Variants in EML5 observed in about 807,000 individuals in gnomAD.
The protein encoded by EML5 is EMAP like 5, also known as echinoderm microtubule-associated protein-like 5.
In EML5, 120 loss-of-function variants were observed where a neutral mutation model predicts 250.0. The ratio of observed to expected loss-of-function variants is 0.48; its 90% CI spans 0.41 to 0.56. The LOEUF (loss-of-function observed/expected upper bound fraction) is 0.56. EML5 is among the 20% of genes least tolerant of loss of function. The probability of loss-of-function intolerance (pLI) is 0.00; values close to 1 mark genes in which losing one functional copy is unlikely to be tolerated. For missense variants in EML5, 2,006 were observed against 2,437.6 expected, an observed-to-expected ratio of 0.82 and a Z score of 3.73; for synonymous variants, 771 against 806.5, an observed-to-expected ratio of 0.96 and a Z score of 0.75.
rs147942273 is a variant in EML5 at position 88,653,340 on chromosome 14, A to G, written c.4005-3414T>C. 8.4e-4 allele frequency among the ~76,000 whole-genome samples: 128 copies of G among 152,236 alleles called. 3 individuals are homozygous for G. In the East Asian group the frequency reaches 0.023, roughly 28 times the overall value. Reference sequence around the variant, plus strand: ...AGAACTTCCAACAATATGTTGAATCAAAGTAGTGAGAGACAGCATCCTTGT... The same window carrying G: ...AGAACTTCCAACAATATGTTGAATCGAAGTAGTGAGAGACAGCATCCTTGT... On this transcript the variant is annotated intron_variant, in intron 27 of 43. Coordinates refer to ENST00000554922, the MANE Select transcript of EML5 (RefSeq NM_183387.3).
chr14:88,636,776 C>T (rs1212929133), intron 32 of EML5, among the ~76,000 whole-genome samples: 1 of 152,094 alleles, frequency 6.6e-6, no homozygotes, highest in Non-Finnish European at 1.5e-5. Flanking sequence ...CTAGATACAC[C>T]AAGAATGAGG....
At chr14:88,645,810 T>C (rs2091319620) in intron 29 of EML5, among the ~76,000 whole-genome samples, 1 of 152,204 alleles carries the variant, frequency 6.6e-6, no homozygotes, top group South Asian at 2.1e-4. Flanking sequence ...ACTAAAAATG[T>C]ATCAACTTTA....
intron 1 of EML5, among the ~76,000 whole-genome samples, chr14:88,761,987 T>A (rs2094251373): frequency 6.6e-6 from 1 of 152,230 alleles, no homozygotes; most frequent in African/African-American, 2.4e-5. Context: ...CATAAATGTC[T>A]TCTTTTGAGA....
intron 1 of EML5, among the ~76,000 whole-genome samples, chr14:88,761,667 G>A (rs1290390199): frequency 6.6e-6 from 1 of 152,190 alleles, no homozygotes; most frequent in Non-Finnish European, 1.5e-5. Flanking sequence ...ACATGTGCAT[G>A]TGTCTTTATA....
At chr14:88,683,136 C>T (rs1419802414) in intron 20 of EML5, among the ~76,000 whole-genome samples, 2 of 152,244 alleles carry the variant, frequency 1.3e-5, no homozygotes, top group Non-Finnish European at 2.9e-5. Flanking sequence ...TTTTTAATAT[C>T]TTTCCAGAAT....
chr14:88,784,198 G>C (rs114709055), intron 1 of EML5, among the ~76,000 whole-genome samples: 1,565 of 152,070 alleles, frequency 0.01, 25 homozygotes, highest in African/African-American at 0.036. Context: ...CAAAAAAAAG[G>C]AAAAACTTCA....
chr14:88,693,450 C>A (rs775099616), intron 17 of EML5, among the ~76,000 whole-genome samples: 1 of 152,188 alleles, frequency 6.6e-6, no homozygotes, highest in Non-Finnish European at 1.5e-5. Flanking sequence ...GAGACGTATT[C>A]ACTTCCACAA....
At chr14:88,697,140 G>C (rs986438558) in intron 14 of EML5, among the ~76,000 whole-genome samples, 188 bp from the exon 15 acceptor site, 1 of 152,082 alleles carries the variant, frequency 6.6e-6, no homozygotes, top group African/African-American at 2.4e-5. Context: ...AAGCTAATGA[G>C]GCTAGGCTCA....
At chr14:88,737,757 G>A (rs1467468288) in intron 6 of EML5, among the ~76,000 whole-genome samples, 1 of 152,120 alleles carries the variant, frequency 6.6e-6, no homozygotes, top group African/African-American at 2.4e-5. Flanking sequence ...TTCAAGACAT[G>A]TACTCTTCTT....
At chr14:88,642,241 T>G (rs987335256) in intron 31 of EML5, among the ~76,000 whole-genome samples, 1 of 152,182 alleles carries the variant, frequency 6.6e-6, no homozygotes, top group African/African-American at 2.4e-5. Flanking sequence ...TAAATTGTAA[T>G]AAAACAATTC....
chr14:88,758,019 AT>A (rs59074536), intron 1 of EML5, among the ~76,000 whole-genome samples: 6,822 of 129,152 alleles, frequency 0.053, 379 homozygotes, highest in African/African-American at 0.15. Context: ...CACCTGTCTA[AT>A]TTTTTTTTTT....
intron 10 of EML5, among the ~76,000 whole-genome samples, chr14:88,708,447 C>G (rs1232801958): frequency 2.0e-5 from 3 of 152,032 alleles, no homozygotes; most frequent in Non-Finnish European, 4.4e-5. Flanking sequence ...ATATATATCT[C>G]TGGTGCCTGG....
At chr14:88,661,245 T>C (rs931230920) in intron 25 of EML5, among the ~76,000 whole-genome samples, 3 of 152,120 alleles carry the variant, frequency 2.0e-5, no homozygotes, top group Non-Finnish European at 4.4e-5. Flanking sequence ...TGTGCCACAA[T>C]GCCTGGCTAA....
intron 1 of EML5, among the ~76,000 whole-genome samples, chr14:88,770,108 GTTTC>G (rs1296433391): frequency 2.0e-5 from 3 of 151,950 alleles, no homozygotes; most frequent in Non-Finnish European, 4.4e-5. Flanking sequence ...GCTGAAATTT[GTTTC>G]TTTTTCTCTT....
chr14:88,658,943 C>T (rs140811825), intron 25 of EML5, among the ~76,000 whole-genome samples: 16 of 152,146 alleles, frequency 1.1e-4, no homozygotes, highest in African/African-American at 3.6e-4. Flanking sequence ...AAGTAACTAT[C>T]GATTGATTGC....
chr14:88,725,603 T>G (rs2093655040), intron 8 of EML5, among the ~76,000 whole-genome samples: 1 of 152,148 alleles, frequency 6.6e-6, no homozygotes, highest in Non-Finnish European at 1.5e-5. Context: ...GATTATGAGC[T>G]GCATCCTAAG....
chr14:88,643,558 A>C (rs1369958481), intron 30 of EML5, among the ~76,000 whole-genome samples: 5 of 152,120 alleles, frequency 3.3e-5, no homozygotes, highest in African/African-American at 1.2e-4. Flanking sequence ...GCACCTGTGG[A>C]TTTTGGCATC....
rs1310460015 is a variant in EML5, at chr14:88,616,835, T to G, written c.5687A>C (p.Glu1896Ala). The G allele has an allele frequency of 6.2e-7, 1 of 1,613,942 alleles. No individual in the cohort carries two copies. ...EVLGIWSRHA[E>A]KADVNCACVS... Reference sequence around the variant, plus strand: ...ACAGGCACAGTTGACATCAGCTTTCTCAGCATGTCTGGACCAGATTCCCAA... The same window carrying G: ...ACAGGCACAGTTGACATCAGCTTTCGCAGCATGTCTGGACCAGATTCCCAA... Residue 1896 changes from glutamate (E) to alanine (A), a missense_variant, in exon 42 of 44, where the codon GAG becomes GCG. Coordinates refer to ENST00000554922, the MANE Select transcript of EML5 (RefSeq NM_183387.3).
intron 32 of EML5, among the ~76,000 whole-genome samples, chr14:88,637,169 T>C (rs753263876): frequency 6.6e-6 from 1 of 152,230 alleles, no homozygotes; most frequent in Non-Finnish European, 1.5e-5. Context: ...TCTTATTCTT[T>C]AGTCTTCCCT....
Sources: gnomAD v4.1 joint callset for allele counts (sites outside exome capture counted in the v4.1 genomes callset) on GRCh38, gnomAD v4.1.1 for gene constraint, MANE v1.5 for transcripts, NCBI Gene and HGNC (gene_info 2026-07-23, HGNC 2026-07-21) for gene names.